Variants in SPTAN1 observed in about 807,000 individuals in gnomAD.
The protein encoded by SPTAN1 is spectrin alpha, non-erythrocytic 1.
SPTAN1 carries 61 observed loss-of-function variants against 331.3 expected under a neutral mutation model. The ratio of observed to expected loss-of-function variants is 0.18; its 90% CI spans 0.15 to 0.23. The LOEUF is 0.23. SPTAN1 is among the 10% of genes least tolerant of loss of function. The probability of loss-of-function intolerance (pLI) is 1.00; values close to 1 mark genes in which losing one functional copy is unlikely to be tolerated. For synonymous variants in SPTAN1, 1,153 were observed against 1,173.9 expected, an observed-to-expected ratio of 0.98 and a Z score of 0.36; for missense variants, 2,043 against 3,147.9, an observed-to-expected ratio of 0.65 and a Z score of 8.40.
rs1860176123 is a variant in SPTAN1 at position 128,633,494 on chromosome 9, A to T, written c.*160A>T. 1 of 1,261,974 alleles carries T rather than the reference A, an allele frequency of 7.9e-7. No individual in the cohort carries two copies. The highest frequency in any genetic ancestry group is 1.2e-5 in the South Asian group (1 of 80,302). 78.2% of individuals were successfully genotyped at this position (1,261,974 alleles called of 1,614,324 possible). A position where few individuals can be genotyped will look rare whatever the true frequency, so the allele number is the denominator to read the frequency against. On this transcript the variant is annotated 3_prime_UTR_variant, in exon 57 of 57. Transcript: ENST00000372739. ...TGCTTCACTAACCCGCTTCCGGTCC[A>T]GTCACAATCATCATGTCACTGTGGG...
At chr9:128,595,275 A>G (rs1854120131) in intron 24 of SPTAN1, among the ~76,000 whole-genome samples, 1 of 151,984 alleles carries the variant, frequency 6.6e-6, no homozygotes, top group African/African-American at 2.4e-5. Context: ...ACATCTGGCA[A>G]ATTTTTGTAT....
intron 45 of SPTAN1, chr9:128,622,166 G>A (rs902144317): frequency 2.6e-5 from 4 of 152,168 alleles, no homozygotes; most frequent in African/African-American, 7.2e-5. Flanking sequence ...CTACAGCCAT[G>A]TATAGATGTA....
chr9:128,601,015 G>A (rs10988054), intron 27 of SPTAN1, among the ~76,000 whole-genome samples: 71 of 68,206 alleles, frequency 1.0e-3, no homozygotes, highest in African/African-American at 3.7e-3. Context: ...ACGGAGTCTC[G>A]CTCTGTTGCC....
At chr9:128,621,363 G>C (rs1027140582) in intron 45 of SPTAN1, 107 bp downstream of exon 45, 31 of 910,408 alleles carry the variant, frequency 3.4e-5, no homozygotes, top group Non-Finnish European at 3.9e-5. Flanking sequence ...ACCAAACCAA[G>C]GTCTGCGTGG....
chr9:128,591,362 G>A lies in SPTAN1; in HGVS notation c.3007-115G>A, dbSNP rs181117376. 4.2e-4 allele frequency: 574 copies of A among 1,382,116 alleles called. 1 individual carries two copies. The highest frequency in any genetic ancestry group is 5.5e-4 in the Non-Finnish European group (540 of 976,658). The allele number at this position is 1,382,116 out of a possible 1,614,324, so 85.6% of individuals were successfully genotyped here. On this transcript the variant is annotated intron_variant, in intron 21 of 56. Transcript: ENST00000372739. ...ATTATAGGTGTGAGCCACTGTGGCC[G>A]GCCGTTTTGGACCTCTTAAAACAAC... is the stretch of plus-strand genomic sequence containing the variant.
Position 128,632,414 on chromosome 9 carries a change from TTC to T in SPTAN1, c.6960-15_6960-14del, listed in dbSNP as rs765543947. ...CTGTGTGGAGGGTCTGTTCCCTAAT[TTC>T]TGTTTTTCTTCCAGGAACACAACAG... On this transcript the variant is annotated splice_polypyrimidine_tract_variant and intron_variant, in intron 53 of 56. Transcript: ENST00000372739. 5 of 1,613,992 alleles carry T rather than the reference TTC, an allele frequency of 3.1e-6. No homozygotes were observed. The highest frequency in any genetic ancestry group is 2.2e-5 in the East Asian group (1 of 44,892).
In SPTAN1 at chr9:128,633,327, T is replaced by A; in HGVS notation, c.7427T>A (p.Val2476Glu). The change falls in exon 57 of 57, where the codon GTG (valine) becomes GAG (glutamate). Residue 2476 changes from valine to glutamate, a missense_variant. This residue lies in a region of SPTAN1 where 88 missense variants were observed against 96.5 expected (regional missense o/e 0.91). Transcript: ENST00000372739. Reference sequence around the variant, plus strand: ...GTGGAGTTCACCCGCTCGCTTTTCGTGAACTGAGCCACTCCCTGGGTCACC... The same window carrying A: ...GTGGAGTTCACCCGCTCGCTTTTCGAGAACTGAGCCACTCCCTGGGTCACC... ...DYVEFTRSLF[V>E]N 1 of 1,613,870 alleles carries A rather than the reference T, an allele frequency of 6.2e-7. No homozygotes were observed. Among genetic ancestry groups the A allele is most frequent in the Non-Finnish European group, 8.5e-7 (1 of 1,180,022 alleles).
intron 19 of SPTAN1, among the ~76,000 whole-genome samples, chr9:128,586,683 A>G (rs908739679): frequency 2.6e-5 from 4 of 152,208 alleles, no homozygotes; most frequent in African/African-American, 9.6e-5. Context: ...ATACATACAT[A>G]GATGTACTTG....
At chr9:128,594,030 G>A in intron 23 of SPTAN1, 145 bp from the exon 24 acceptor site, 1 of 776,322 alleles carries the variant, frequency 1.3e-6, no homozygotes. Context: ...GTCTTCATCT[G>A]ATAACTCTGT....
rs532729245 is a variant in SPTAN1, at chr9:128,585,641, A to C, written c.2561-107A>C. ...AATTATGAAAGGGCACAGCTCACCAAAACATAGTAATGAAAGTGCCGTGAA... is the reference window on the plus strand; with the variant it reads ...AATTATGAAAGGGCACAGCTCACCACAACATAGTAATGAAAGTGCCGTGAA... On this transcript the variant is annotated intron_variant, in intron 18 of 56. Coordinates refer to ENST00000372739, the MANE Select transcript of SPTAN1 (RefSeq NM_001130438.3). The C allele has an allele frequency of 3.2e-5, 30 of 950,934 alleles. No homozygotes were observed. In the African/African-American group the frequency reaches 4.2e-4, roughly 13 times the overall value. 58.9% of individuals were successfully genotyped at this position (950,934 alleles called of 1,614,324 possible).
Position 128,574,546 on chromosome 9 carries a change from G to A in SPTAN1, c.364-129G>A, listed in dbSNP as rs1179707270. 3 of 1,099,624 alleles carry A rather than the reference G, an allele frequency of 2.7e-6. No individual in the cohort carries two copies. In the African/African-American group the frequency reaches 4.7e-5, roughly 17 times the overall value. 68.1% of individuals were successfully genotyped at this position (1,099,624 alleles called of 1,614,324 possible). On this transcript the variant is annotated intron_variant, in intron 3 of 56. Coordinates refer to ENST00000372739, the MANE Select transcript of SPTAN1 (RefSeq NM_001130438.3). ...AAATTTACTATTTCCTCTCAGTTTA[G>A]GGATTATCTTTTAAAAATATTTTTA...
In SPTAN1 at chr9:128,627,083, G is replaced by A; in HGVS notation, c.6577-303G>A. 1 of 562,028 alleles carries A rather than the reference G, an allele frequency of 1.8e-6. No homozygotes were observed. The highest frequency in any genetic ancestry group is 3.4e-6 in the Non-Finnish European group (1 of 297,026). The allele number at this position is 562,028 out of a possible 1,614,324, so 34.8% of individuals were successfully genotyped here. Reference sequence around the variant, plus strand: ...CTGCCCAGGCCTCCCAAAGTGCTGGGATTACAGGTGTGAGCCACTGTACCC... The same window carrying A: ...CTGCCCAGGCCTCCCAAAGTGCTGGAATTACAGGTGTGAGCCACTGTACCC... On this transcript the variant is annotated intron_variant, in intron 49 of 56. Transcript: ENST00000372739. The surrounding 1 kb of genome is among the most constrained non-coding windows in gnomAD (Gnocchi z 4.9).
Position 128,581,763 on chromosome 9 carries a change from CTT to C in SPTAN1, c.1462-17_1462-16del. 1.3e-6 allele frequency: 2 copies of C among 1,586,988 alleles called. No individual in the cohort carries two copies. Among genetic ancestry groups the C allele is most frequent in the South Asian group, 2.2e-5 (2 of 90,582 alleles). ...AAGGAATAGGACATTATTCTGAACA[CTT>C]TGTTTCCTTTGGCAAGGCGTTCCTG... On this transcript the variant is annotated splice_polypyrimidine_tract_variant and intron_variant, in intron 11 of 56. Coordinates refer to ENST00000372739, the MANE Select transcript of SPTAN1 (RefSeq NM_001130438.3).
chr9:128,579,383 T>C (rs1286355159), intron 9 of SPTAN1, among the ~76,000 whole-genome samples: 1 of 152,130 alleles, frequency 6.6e-6, no homozygotes, highest in Non-Finnish European at 1.5e-5. Flanking sequence ...CTCAGACCCA[T>C]GTGAATGTGT....
chr9:128,624,736 T>C (rs1328713658), intron 46 of SPTAN1: 5 of 575,998 alleles, frequency 8.7e-6, no homozygotes, highest in Non-Finnish European at 1.5e-5. Context: ...CACGCAGAGA[T>C]GGCATAATGT....
rs1856078079 is a variant in SPTAN1 at position 128,607,772 on chromosome 9, A to G, written c.4146+69A>G. ...GCAGGGCCCTAGAGGCCTCATTCCC[A>G]CCCTTTGTGGTGAGTCGGTGGTTGA... On this transcript the variant is annotated intron_variant, in intron 32 of 56. Coordinates refer to ENST00000372739, the MANE Select transcript of SPTAN1 (RefSeq NM_001130438.3). The G allele has an allele frequency of 1.2e-5, 20 of 1,610,984 alleles. No homozygotes were observed. The South Asian group carries it at 2.1e-4, about 17-fold the overall frequency.
At chr9:128,589,473 A>G (rs1487015205) in intron 21 of SPTAN1, among the ~76,000 whole-genome samples, 4 of 150,904 alleles carry the variant, frequency 2.7e-5, no homozygotes, top group Non-Finnish European at 5.9e-5. Flanking sequence ...TATTTTTAGT[A>G]GAGATGGGGT....
rs771862017 is a variant in SPTAN1, at chr9:128,605,476, C to T, written c.4045C>T (p.Arg1349Trp). The T allele has an allele frequency of 4.4e-5, 71 of 1,613,920 alleles. No individual in the cohort carries two copies. Among genetic ancestry groups the T allele is most frequent in the African/African-American group, 6.7e-5 (5 of 74,924 alleles). ...CCTGCAGCGCTTCCTTAGCGATTTC[C>T]GGTACGGAGCCATGTTCACTCAGAC... ...HDLQRFLSDF[R>W]DLMSWINGIR... The change falls in exon 31 of 57, where the codon CGG (arginine) becomes TGG (tryptophan). Residue 1349 changes from arginine (R) to tryptophan (W), a missense_variant and splice_region_variant. Physicochemically the swap from Arg to Trp is moderately radical, Grantham distance 101 (BLOSUM62 -3). This residue lies in a region of SPTAN1 where 179 missense variants were observed against 215.7 expected (regional missense o/e 0.83). Transcript: ENST00000372739.
intron 9 of SPTAN1, 74 bp downstream of exon 9, chr9:128,578,319 A>G (rs1851537722): frequency 1.3e-6 from 2 of 1,584,380 alleles, no homozygotes; most frequent in East Asian, 4.5e-5. Context: ...GTGTTGGGTG[A>G]GGCCTATAGT....
Sources: gnomAD v4.1 joint callset for allele counts (sites outside exome capture counted in the v4.1 genomes callset) on GRCh38, gnomAD v4.1.1 for gene constraint, gnomAD v4.1.1 regional missense constraint, Gnocchi (gnomAD v3.1) non-coding constraint, MANE v1.5 for transcripts, NCBI Gene and HGNC (gene_info 2026-07-23, HGNC 2026-07-21) for gene names.